EYA1: variants seen among roughly 807,000 people sequenced by gnomAD.
EYA1 encodes EYA transcriptional coactivator and phosphatase 1, also known as protein phosphatase EYA1.
A neutral mutation model predicts 82.0 loss-of-function variants in EYA1; 16 were observed. The ratio of observed to expected loss-of-function variants is 0.20; its 90% CI spans 0.13 to 0.30. The LOEUF (loss-of-function observed/expected upper bound fraction) is 0.30. Among genes scored for constraint, EYA1 ranks in the 10% least tolerant of loss-of-function variants. EYA1 has a pLI of 1.00. For missense variants in EYA1, 633 were observed against 730.7 expected, an observed-to-expected ratio of 0.87 and a Z score of 1.54; for synonymous variants, 261 against 264.4, an observed-to-expected ratio of 0.99 and a Z score of 0.12.
At chr8:71,362,300 ATG>A, upstream of EYA1, 6 of 665,264 alleles carry the variant, frequency 9.0e-6, no homozygotes, top group Non-Finnish European at 1.1e-5. Context: ...AAAAAAAATT[ATG>A]TAAATGAACG....
intron 3 of EYA1, among the ~76,000 whole-genome samples, chr8:71,354,137 T>C (rs1312665518): frequency 1.3e-5 from 2 of 152,114 alleles, no homozygotes; most frequent in South Asian, 2.1e-4. Context: ...AAAATTTATA[T>C]AAATATTCAT....
At chr8:71,215,123 T>C (rs1284052370) in intron 16 of EYA1, among the ~76,000 whole-genome samples, 1 of 152,218 alleles carries the variant, frequency 6.6e-6, no homozygotes, top group African/African-American at 2.4e-5. Flanking sequence ...ATGATAATAA[T>C]CCAGAATCGA....
chr8:71,532,750 T>A (rs183093720), intron 2 of EYA1, among the ~76,000 whole-genome samples: 59 of 152,296 alleles, frequency 3.9e-4, no homozygotes, highest in Non-Finnish European at 6.9e-4. Context: ...GCAGGTGTAA[T>A]TCTGTGAGCA....
chr8:71,207,209 T>C (rs755297075), intron 17 of EYA1, among the ~76,000 whole-genome samples: 3 of 152,228 alleles, frequency 2.0e-5, no homozygotes, highest in Non-Finnish European at 2.9e-5. Context: ...ATAGGTTAAA[T>C]ATTAAGTATT....
intron 2 of EYA1, among the ~76,000 whole-genome samples, chr8:71,417,431 G>A (rs1481999223): frequency 6.6e-6 from 1 of 152,108 alleles, no homozygotes; most frequent in Non-Finnish European, 1.5e-5. Flanking sequence ...ACATGGACAA[G>A]TTTAGAAAGC....
intron 2 of EYA1, among the ~76,000 whole-genome samples, chr8:71,471,815 CTTGCGG>C (rs1809231908): frequency 6.6e-6 from 1 of 152,046 alleles, no homozygotes; most frequent in South Asian, 2.1e-4. Flanking sequence ...TCATGGCATA[CTTGCGG>C]TTATCAAACA....
At chr8:71,206,675 TAG>T (rs1385815944) in intron 17 of EYA1, among the ~76,000 whole-genome samples, 2 of 149,406 alleles carry the variant, frequency 1.3e-5, no homozygotes, top group Middle Eastern at 3.2e-3. Context: ...GATTCCTTCA[TAG>T]GATTATGAGG....
At chr8:71,269,899 A>G in intron 10 of EYA1, 76 bp from the exon 11 acceptor site, 1 of 1,091,518 alleles carries the variant, frequency 9.2e-7, no homozygotes, top group Non-Finnish European at 1.4e-6. Context: ...TCAACACGAA[A>G]AAGTCATCTT....
chr8:71,330,101 T>C (rs571398377), intron 4 of EYA1, among the ~76,000 whole-genome samples: 8 of 152,030 alleles, frequency 5.3e-5, no homozygotes, highest in Admixed American at 1.3e-4. Context: ...GGCAACAAGG[T>C]CAGACAGTCT....
At chr8:71,511,356 A>T (rs1226259564) in intron 2 of EYA1, among the ~76,000 whole-genome samples, 18 of 152,234 alleles carry the variant, frequency 1.2e-4, no homozygotes, top group Non-Finnish European at 2.1e-4. Context: ...CTCATGGAAG[A>T]GATGAGCAAG....
intron 2 of EYA1, among the ~76,000 whole-genome samples, chr8:71,413,582 C>G (rs1830714373): frequency 6.6e-6 from 1 of 152,268 alleles, no homozygotes; most frequent in South Asian, 2.1e-4. Flanking sequence ...TTAAAACAAC[C>G]TTCTCTATGT....
intron 2 of EYA1, among the ~76,000 whole-genome samples, chr8:71,527,194 AG>A (rs1813883037): frequency 6.6e-6 from 1 of 152,192 alleles, no homozygotes. Flanking sequence ...GTATCACACT[AG>A]GGTTCAAATG....
At chr8:71,332,223 G>A (rs951707362) in intron 4 of EYA1, among the ~76,000 whole-genome samples, 25 of 151,990 alleles carry the variant, frequency 1.6e-4, no homozygotes, top group East Asian at 9.6e-4. Flanking sequence ...TTAGCTTTCC[G>A]TGAGTTCTGT....
At chr8:71,248,936 T>C (rs1813424154) in intron 11 of EYA1, among the ~76,000 whole-genome samples, 1 of 152,218 alleles carries the variant, frequency 6.6e-6, no homozygotes, top group Non-Finnish European at 1.5e-5. Context: ...ACCAGGTCTT[T>C]AGTTTAATCT....
At chr8:71,333,248 G>A (rs928450425) in intron 4 of EYA1, among the ~76,000 whole-genome samples, 23 of 152,070 alleles carry the variant, frequency 1.5e-4, no homozygotes, top group East Asian at 3.8e-4. Context: ...CATTAGTATC[G>A]AAGTTGTGTG....
At chr8:71,271,642 G>T (rs1816544767) in intron 10 of EYA1, 116 bp downstream of exon 10, 4 of 1,052,580 alleles carry the variant, frequency 3.8e-6, no homozygotes, top group Non-Finnish European at 6.0e-6. Flanking sequence ...AAAAAAGAAA[G>T]CAGTAACAAA....
intron 1 of EYA1, among the ~76,000 whole-genome samples, chr8:71,546,968 A>G (rs1815664421): frequency 6.6e-6 from 1 of 152,236 alleles, no homozygotes; most frequent in African/African-American, 2.4e-5. Flanking sequence ...CTTAATTACC[A>G]TAAAGAAAAC....
At chr8:71,456,449 G>T (rs1464439264) in intron 2 of EYA1, among the ~76,000 whole-genome samples, 1 of 152,162 alleles carries the variant, frequency 6.6e-6, no homozygotes, top group Admixed American at 6.5e-5. Context: ...GCATTGCCAA[G>T]TCAATCCTAA....
intron 9 of EYA1, among the ~76,000 whole-genome samples, chr8:71,272,589 A>G (rs1816678452): frequency 6.6e-6 from 1 of 152,182 alleles, no homozygotes; most frequent in Admixed American, 6.5e-5. Flanking sequence ...CACTAAAATA[A>G]TTACATAGAA....
Sources: gnomAD v4.1 joint callset for allele counts (sites outside exome capture counted in the v4.1 genomes callset) on GRCh38, gnomAD v4.1.1 for gene constraint, MANE v1.5 for transcripts, NCBI Gene and HGNC (gene_info 2026-07-23, HGNC 2026-07-21) for gene names.